Variants in AHI1 observed in about 807,000 individuals in gnomAD.
AHI1 encodes Abelson helper integration site 1, also known as jouberin.
AHI1 carries 123 observed loss-of-function variants against 149.3 expected under a neutral mutation model. The ratio of observed to expected loss-of-function variants is 0.82; its 90% CI spans 0.71 to 0.96. AHI1 has a LOEUF of 0.96. Among genes scored for constraint, AHI1 ranks in the 40% least tolerant of loss-of-function variants. The probability of loss-of-function intolerance (pLI) is 0.00; values close to 1 mark genes in which losing one functional copy is unlikely to be tolerated. For missense variants in AHI1, 1,439 were observed against 1,422.7 expected (o/e 1.01, Z -0.18); for synonymous variants, 475 against 459.8 (o/e 1.03, Z -0.42).
chr6:135,308,474 G>A (rs1368248278), intron 26 of AHI1, among the ~76,000 whole-genome samples: 1 of 152,162 alleles, frequency 6.6e-6, no homozygotes, highest in Admixed American at 6.5e-5. Flanking sequence ...GAGCTCAAGC[G>A]ATCCATCCAC....
intron 23 of AHI1, among the ~76,000 whole-genome samples, chr6:135,390,361 T>C (rs1324203115): frequency 1.3e-5 from 2 of 152,354 alleles, no homozygotes; most frequent in African/African-American, 4.8e-5. Context: ...ATGTCCTCCT[T>C]GACACCTCAG....
At chr6:135,317,632 G>T (rs1176309876) in intron 26 of AHI1, among the ~76,000 whole-genome samples, 1 of 152,014 alleles carries the variant, frequency 6.6e-6, no homozygotes, top group African/African-American at 2.4e-5. Context: ...GTGTGCACCA[G>T]CCTGTAAGCA....
rs575249123 is a variant in AHI1, at chr6:135,342,971, G to T, written c.3165+15161C>A. On this transcript the variant is annotated intron_variant, in intron 24 of 28. Transcript: ENST00000265602. ...AGAAAAAAAAAAGGCACCCGGATCG[G>T]AAAGGAGAAGTAAAACTATCTCTAT... Among the ~76,000 whole-genome samples the T allele has an allele frequency of 2.0e-5, 3 of 150,838 alleles. No homozygotes were observed. In the South Asian group the frequency reaches 6.3e-4, roughly 31 times the overall value.
rs1417299460 is a variant in AHI1, at chr6:135,453,332, A to C, written c.1440+9T>G. On this transcript the variant is annotated intron_variant, in intron 11 of 28. Coordinates refer to ENST00000265602, the MANE Select transcript of AHI1 (RefSeq NM_001134831.2). ...GTTTTAAAGTGTTTAAAATGGATGA[A>C]AAACATACCTTAAGAAATGCCCAGG... The C allele has an allele frequency of 4.5e-6, 7 of 1,551,406 alleles. No homozygotes were observed.
chr6:135,486,986 G>T (rs1794569340), intron 5 of AHI1, among the ~76,000 whole-genome samples: 1 of 152,016 alleles, frequency 6.6e-6, no homozygotes, highest in Non-Finnish European at 1.5e-5. Context: ...GGCTAGTCTT[G>T]AACTCCTGCA....
intron 21 of AHI1, among the ~76,000 whole-genome samples, chr6:135,405,898 G>GAAAAAT (rs1780726956): frequency 7.2e-6 from 1 of 139,338 alleles, no homozygotes; most frequent in Non-Finnish European, 1.6e-5. Flanking sequence ...AAAAGAAAAA[G>GAAAAAT]AAAAAGAAAA....
At chr6:135,326,367 AG>A (rs1787684183) in intron 24 of AHI1, among the ~76,000 whole-genome samples, 1 of 152,220 alleles carries the variant, frequency 6.6e-6, no homozygotes, top group Non-Finnish European at 1.5e-5. Flanking sequence ...CGACTGTGCT[AG>A]CACCTTGATC....
At chr6:135,439,883 G>C (rs1786012253) in intron 14 of AHI1, among the ~76,000 whole-genome samples, 1 of 152,116 alleles carries the variant, frequency 6.6e-6, no homozygotes, top group African/African-American at 2.4e-5. Flanking sequence ...TTGTGGAATA[G>C]CAAAGTAAGA....
At chr6:135,423,946 A>G (rs1027780933) in intron 20 of AHI1, among the ~76,000 whole-genome samples, 1 of 152,050 alleles carries the variant, frequency 6.6e-6, no homozygotes, top group Non-Finnish European at 1.5e-5. Context: ...CACTGAAAAC[A>G]CTACATGCAT....
intron 25 of AHI1, among the ~76,000 whole-genome samples, chr6:135,320,697 T>C (rs925482527): frequency 6.6e-6 from 1 of 152,150 alleles, no homozygotes; most frequent in Non-Finnish European, 1.5e-5. Flanking sequence ...AAGCACTTAA[T>C]CCCACCCTGC....
chr6:135,436,004 A>G (rs2128031223), intron 15 of AHI1, among the ~76,000 whole-genome samples: 1 of 152,300 alleles, frequency 6.6e-6, no homozygotes, highest in East Asian at 1.9e-4. Context: ...AGAGGAAAAC[A>G]AAATTTAAGG....
At chr6:135,351,066 T>C (rs927473505) in intron 24 of AHI1, among the ~76,000 whole-genome samples, 1 of 151,856 alleles carries the variant, frequency 6.6e-6, no homozygotes, top group African/African-American at 2.4e-5. Context: ...ATAACTGAAC[T>C]TCTGCATTGA....
chr6:135,318,940 A>T (rs1283701932), intron 25 of AHI1, among the ~76,000 whole-genome samples: 1 of 152,250 alleles, frequency 6.6e-6, no homozygotes, highest in African/African-American at 2.4e-5. Flanking sequence ...ATGCCAGGAT[A>T]TCTGCTAGGA....
intron 23 of AHI1, among the ~76,000 whole-genome samples, chr6:135,361,645 T>TCA (rs57786531): frequency 0.069 from 9,248 of 133,744 alleles, 341 homozygotes; most frequent in Non-Finnish European, 0.091. Flanking sequence ...AGGTATGGTT[T>TCA]CACACACACA....
intron 7 of AHI1, among the ~76,000 whole-genome samples, chr6:135,464,153 AAATT>A (rs948493408): frequency 6.6e-6 from 1 of 152,196 alleles, no homozygotes; most frequent in African/African-American, 2.4e-5. Flanking sequence ...AAATAATAAA[AAATT>A]AATTTCCAAT....
chr6:135,433,359 T>C (rs1784930130), intron 15 of AHI1, 103 bp from the exon 16 acceptor site: 3 of 741,792 alleles, frequency 4.0e-6, no homozygotes, highest in Non-Finnish European at 6.5e-6. Context: ...AGCAAGCAAG[T>C]GACAACGACC....
intron 11 of AHI1, among the ~76,000 whole-genome samples, chr6:135,450,723 G>A (rs931796912): frequency 9.2e-5 from 14 of 152,132 alleles, no homozygotes; most frequent in Non-Finnish European, 1.2e-4. Flanking sequence ...TGCTTAGCCT[G>A]AGTAAACAAC....
chr6:135,439,158 A>C (rs1440518862), intron 14 of AHI1, among the ~76,000 whole-genome samples: 1 of 152,256 alleles, frequency 6.6e-6, no homozygotes, highest in Non-Finnish European at 1.5e-5. Flanking sequence ...AAATAACAGC[A>C]GTCCCCCCTT....
rs557417336 is a variant in AHI1, at chr6:135,300,325, C to CAA, written c.3485+173_3485+174dup. On this transcript the variant is annotated intron_variant, in intron 27 of 28. Transcript: ENST00000265602. ...GGGTGACACAGCAAGACTCTGTCTCCAAAAAAAAAAAAAAAGAAAAAAAAA... is the reference window on the plus strand; with the variant it reads ...GGGTGACACAGCAAGACTCTGTCTCCAAAAAAAAAAAAAAAAAGAAAAAAAAA... Among the ~76,000 whole-genome samples, 5 of 65,876 alleles carry CAA rather than the reference C, an allele frequency of 7.6e-5. No homozygotes were observed. The East Asian group carries it at 1.2e-3, about 16-fold the overall frequency. 43.2% of individuals were successfully genotyped at this position (65,876 alleles called of 152,430 possible). A position where few individuals can be genotyped will look rare whatever the true frequency, so the allele number is the denominator to read the frequency against.
Sources: gnomAD v4.1 joint callset for allele counts (sites outside exome capture counted in the v4.1 genomes callset) on GRCh38, gnomAD v4.1.1 for gene constraint, MANE v1.5 for transcripts, NCBI Gene and HGNC (gene_info 2026-07-23, HGNC 2026-07-21) for gene names.